The following MACROD2 variants were observed in gnomAD, a reference collection of about 807,000 sequenced individuals.
MACROD2 encodes the protein mono-ADP ribosylhydrolase 2.
A neutral mutation model predicts 70.4 loss-of-function variants in MACROD2; 36 were observed. The observed-to-expected ratio is 0.51, with a 90% CI of 0.39 to 0.68. The LOEUF is 0.68. MACROD2 is among the 30% of genes least tolerant of loss of function. The probability of loss-of-function intolerance (pLI) is 0.00; values close to 1 mark genes in which losing one functional copy is unlikely to be tolerated. For missense variants in MACROD2, 496 were observed against 538.4 expected, an observed-to-expected ratio of 0.92 and a Z score of 0.78; for synonymous variants, 172 against 178.8, an observed-to-expected ratio of 0.96 and a Z score of 0.30.
chr20:15,782,007 TTTAA>T (rs1163071818), intron 8 of MACROD2, among the ~76,000 whole-genome samples: 1 of 152,152 alleles, frequency 6.6e-6, no homozygotes, highest in South Asian at 2.1e-4. Flanking sequence ...AGAGATGTAC[TTTAA>T]TTATTTAAAA....
chr20:15,832,061 C>T (rs779181510), intron 8 of MACROD2, among the ~76,000 whole-genome samples: 12 of 152,018 alleles, frequency 7.9e-5, no homozygotes, highest in East Asian at 1.9e-4. Flanking sequence ...TGTTCTTTGT[C>T]GGACCTGCAT....
At chr20:15,792,329 C>T (rs1439786647) in intron 8 of MACROD2, among the ~76,000 whole-genome samples, 1 of 151,904 alleles carries the variant, frequency 6.6e-6, no homozygotes. Flanking sequence ...CCATGAAGGA[C>T]ACAAGACACA....
chr20:14,940,148 C>CCAA (rs779174891), intron 5 of MACROD2, among the ~76,000 whole-genome samples: 1 of 55,106 alleles, frequency 1.8e-5, no homozygotes, highest in Non-Finnish European at 4.0e-5. Context: ...CTCATCTCTG[C>CCAA]AAAAAAAAAA....
intron 7 of MACROD2, among the ~76,000 whole-genome samples, chr20:15,486,535 G>T (rs552749134): frequency 2.2e-4 from 33 of 152,260 alleles, no homozygotes; most frequent in African/African-American, 7.7e-4. Context: ...GAGGAATAGA[G>T]ACCTGTTTTG....
intron 5 of MACROD2, among the ~76,000 whole-genome samples, chr20:14,731,557 T>A (rs534478492): frequency 5.3e-4 from 80 of 152,242 alleles, no homozygotes; most frequent in Non-Finnish European, 1.1e-3. Context: ...TAGGTAGGAG[T>A]CTGCTAATAG....
chr20:15,597,193 C>T (rs920040837), intron 8 of MACROD2, among the ~76,000 whole-genome samples: 3 of 152,204 alleles, frequency 2.0e-5, no homozygotes, highest in African/African-American at 7.2e-5. Context: ...AAAGTGTTTG[C>T]TTCTCACCTT....
chr20:14,636,048 C>A (rs1225380751), intron 4 of MACROD2, among the ~76,000 whole-genome samples: 2 of 151,816 alleles, frequency 1.3e-5, no homozygotes, highest in African/African-American at 4.8e-5. Flanking sequence ...TTTTAAATAC[C>A]ACACAATTTA....
intron 3 of MACROD2, among the ~76,000 whole-genome samples, chr20:14,214,495 AAAGT>A (rs2081597923): frequency 1.3e-5 from 2 of 152,050 alleles, no homozygotes; most frequent in Non-Finnish European, 2.9e-5. Flanking sequence ...TAAACTCTTT[AAAGT>A]TTTTGAAATG....
intron 8 of MACROD2, among the ~76,000 whole-genome samples, chr20:15,805,932 T>C (rs900993889): frequency 6.6e-6 from 1 of 152,158 alleles, no homozygotes; most frequent in African/African-American, 2.4e-5. Context: ...TTGATCTATG[T>C]CTAATTTGTA....
intron 8 of MACROD2, among the ~76,000 whole-genome samples, chr20:15,668,825 C>T (rs765744633): frequency 1.6e-4 from 25 of 152,316 alleles, no homozygotes; most frequent in South Asian, 1.2e-3. Context: ...TTTTCTAAAT[C>T]ACTCCAGTAG....
At chr20:14,806,232 C>T (rs2072636986) in intron 5 of MACROD2, among the ~76,000 whole-genome samples, 1 of 152,062 alleles carries the variant, frequency 6.6e-6, no homozygotes, top group Non-Finnish European at 1.5e-5. Context: ...CAGGTGATTT[C>T]TGCATTTCCA....
chr20:14,652,405 A>G (rs887799009), intron 4 of MACROD2, among the ~76,000 whole-genome samples: 1 of 152,190 alleles, frequency 6.6e-6, no homozygotes, highest in Admixed American at 6.5e-5. Context: ...TTAATTTCAA[A>G]CATATCATTT....
intron 7 of MACROD2, among the ~76,000 whole-genome samples, chr20:15,441,364 G>C (rs767792560): frequency 6.6e-6 from 1 of 152,100 alleles, no homozygotes; most frequent in Non-Finnish European, 1.5e-5. Flanking sequence ...TGCTAGTTCA[G>C]TGTACATAAA....
chr20:14,164,208 G>A (rs750392253), intron 3 of MACROD2, among the ~76,000 whole-genome samples: 2 of 152,018 alleles, frequency 1.3e-5, no homozygotes, highest in African/African-American at 2.4e-5. Flanking sequence ...TTTCTTTGGC[G>A]CTAAACAGCA....
chr20:15,815,855 T>C (rs573133910), intron 8 of MACROD2, among the ~76,000 whole-genome samples: 1 of 152,280 alleles, frequency 6.6e-6, no homozygotes, highest in South Asian at 2.1e-4. Context: ...TGAGTTTTTT[T>C]CCATGATGTT....
In MACROD2 at chr20:15,149,040, A is replaced by G. The variant is rs1032003646; in HGVS notation, c.419-80900A>G. The stretch of plus-strand genomic sequence containing the variant: ...GTGGCCTTCTCAGACCCTGTAGGAA[A>G]GGCCTCTACCTATCTAGTGAAAGTG... On this transcript the variant is annotated intron_variant, in intron 5 of 17. Coordinates refer to ENST00000684519, the MANE Select transcript of MACROD2 (RefSeq NM_001351661.2). Among the ~76,000 whole-genome samples the G allele has an allele frequency of 1.3e-5, 2 of 152,034 alleles. 1 individual carries two copies. The highest frequency in any genetic ancestry group is 4.8e-5 in the African/African-American group (2 of 41,308).
chr20:14,488,460 C>T (rs1403983259), intron 3 of MACROD2, among the ~76,000 whole-genome samples: 2 of 152,136 alleles, frequency 1.3e-5, no homozygotes, highest in East Asian at 3.9e-4. Flanking sequence ...GTAGGAATTG[C>T]CTGCTAATGC....
intron 5 of MACROD2, among the ~76,000 whole-genome samples, chr20:14,771,646 C>T (rs2072167256): frequency 8.2e-6 from 1 of 122,160 alleles, no homozygotes; most frequent in East Asian, 2.0e-4. Flanking sequence ...TCCAAAAATA[C>T]ACACACACAC....
intron 10 of MACROD2, among the ~76,000 whole-genome samples, chr20:15,903,356 A>C (rs2065094863): frequency 6.6e-6 from 1 of 152,200 alleles, no homozygotes; most frequent in African/African-American, 2.4e-5. Context: ...CAAAATGCTA[A>C]AGCCCCAATG....
Sources: allele counts gnomAD v4.1 joint callset (sites outside exome capture counted in the v4.1 genomes callset), GRCh38; gene constraint gnomAD v4.1.1; transcripts MANE v1.5; gene names NCBI Gene and HGNC (gene_info 2026-07-23, HGNC 2026-07-21).